PPP6R3: variants seen among roughly 807,000 people sequenced by gnomAD.
PPP6R3 encodes protein phosphatase 6 regulatory subunit 3.
In PPP6R3, 38 loss-of-function variants were observed where a neutral mutation model predicts 110.7. The observed-to-expected ratio is 0.34, with a 90% confidence interval of 0.26 to 0.45. The LOEUF (loss-of-function observed/expected upper bound fraction) is 0.45. PPP6R3 is among the 20% of genes least tolerant of loss of function. The pLI is 1.00. For missense variants in PPP6R3, 870 were observed against 1,062.4 expected (o/e 0.82, Z 2.52); for synonymous variants, 369 against 373.5 (o/e 0.99, Z 0.14).
chr11:68,509,885 G>A (rs969710669), intron 1 of PPP6R3, among the ~76,000 whole-genome samples: 1 of 151,220 alleles, frequency 6.6e-6, no homozygotes, highest in Non-Finnish European at 1.5e-5. Context: ...GAGTAGCTGG[G>A]ATTACAGGTG....
At chr11:68,572,495 G>C (rs2099511337) in intron 12 of PPP6R3, among the ~76,000 whole-genome samples, 1 of 152,086 alleles carries the variant, frequency 6.6e-6, no homozygotes, top group South Asian at 2.1e-4. Flanking sequence ...GTTGCCTGTA[G>C]GTAACACCTG....
chr11:68,591,514 T>C, intron 17 of PPP6R3, 62 bp from the exon 18 acceptor site: 1 of 1,462,366 alleles, frequency 6.8e-7, no homozygotes, highest in Admixed American at 2.3e-5. Flanking sequence ...TGGTAATGCT[T>C]AAGAGAAGAT....
intron 15 of PPP6R3, 67 bp from the exon 16 acceptor site, chr11:68,587,859 AT>A (rs778620123): frequency 5.4e-6 from 7 of 1,304,694 alleles, no homozygotes; most frequent in South Asian, 1.2e-5. Context: ...TGGAACACAA[AT>A]GGGCAAATAG....
chr11:68,554,423 G>T (rs2099391894), intron 7 of PPP6R3, among the ~76,000 whole-genome samples, 166 bp downstream of exon 7: 1 of 152,150 alleles, frequency 6.6e-6, no homozygotes, highest in Non-Finnish European at 1.5e-5. Flanking sequence ...CTCAGTAGAA[G>T]TTTGGCAGGG....
chr11:68,536,531 G>T (rs959839250), intron 2 of PPP6R3, among the ~76,000 whole-genome samples: 2 of 152,122 alleles, frequency 1.3e-5, no homozygotes, highest in African/African-American at 4.8e-5. Context: ...CTGCCAAAGT[G>T]CCAGGATTAC....
chr11:68,575,180 A>G (rs1304782489), intron 13 of PPP6R3, among the ~76,000 whole-genome samples: 3 of 152,242 alleles, frequency 2.0e-5, no homozygotes, highest in Non-Finnish European at 4.4e-5. Flanking sequence ...TTTTTAGATC[A>G]GACTTTCCTT....
At chr11:68,483,818 T>C (rs2098930226) in intron 1 of PPP6R3, among the ~76,000 whole-genome samples, 1 of 152,212 alleles carries the variant, frequency 6.6e-6, no homozygotes, top group Non-Finnish European at 1.5e-5. Context: ...TAAGGACATG[T>C]AGCCACCATT....
At chr11:68,473,264 A>G (rs926149137) in intron 1 of PPP6R3, among the ~76,000 whole-genome samples, 3 of 152,168 alleles carry the variant, frequency 2.0e-5, no homozygotes, top group Non-Finnish European at 4.4e-5. Context: ...TCAACTGCCA[A>G]TGATATAATC....
intron 22 of PPP6R3, among the ~76,000 whole-genome samples, chr11:68,605,565 C>G (rs1298034242): frequency 6.6e-6 from 1 of 152,128 alleles, no homozygotes; most frequent in Non-Finnish European, 1.5e-5. Context: ...AAGAGAGTAT[C>G]TTTACAGTTT....
At chr11:68,499,937 A>C (rs770626752) in intron 1 of PPP6R3, among the ~76,000 whole-genome samples, 1 of 152,150 alleles carries the variant, frequency 6.6e-6, no homozygotes, top group South Asian at 2.1e-4. Context: ...CTCTTGTCAG[A>C]TGTATATATC....
At chr11:68,594,316 GAGAAAA>G (rs2099605633) in intron 18 of PPP6R3, among the ~76,000 whole-genome samples, 1 of 147,544 alleles carries the variant, frequency 6.8e-6, no homozygotes, top group Non-Finnish European at 1.5e-5. Flanking sequence ...GAGAGAGAGA[GAGAAAA>G]AGAGAGAGAG....
intron 19 of PPP6R3, among the ~76,000 whole-genome samples, chr11:68,599,998 A>T (rs1433990756): frequency 3.9e-5 from 6 of 152,292 alleles, no homozygotes; most frequent in South Asian, 2.1e-4. Context: ...GGCGGGTGCC[A>T]GTAATCCCAG....
intron 9 of PPP6R3, among the ~76,000 whole-genome samples, chr11:68,566,235 ACGG>A (rs1249834033): frequency 8.1e-6 from 1 of 123,090 alleles, no homozygotes; most frequent in Non-Finnish European, 1.8e-5. Flanking sequence ...CACCACCACC[ACGG>A]CTGCTGCTGC....
At chr11:68,501,582 C>A (rs954877890) in intron 1 of PPP6R3, among the ~76,000 whole-genome samples, 50 of 152,186 alleles carry the variant, frequency 3.3e-4, no homozygotes, top group Non-Finnish European at 1.0e-4. Context: ...CCGCCTTGGC[C>A]TCACAAAGTG....
At chr11:68,474,910 T>A (rs117385048) in intron 1 of PPP6R3, among the ~76,000 whole-genome samples, 2,272 of 152,194 alleles carry the variant, frequency 0.015, 35 homozygotes, top group Non-Finnish European at 0.023. Flanking sequence ...TCCTTTTTTT[T>A]ATTTTTTTTA....
intron 20 of PPP6R3, 144 bp downstream of exon 20, chr11:68,600,638 A>T: frequency 3.4e-6 from 3 of 894,308 alleles, no homozygotes; most frequent in Non-Finnish European, 4.9e-6. Context: ...CAGCATACTA[A>T]CACAGCTCTG....
At chr11:68,463,149 G>A (rs2098720275) in intron 1 of PPP6R3, among the ~76,000 whole-genome samples, 2 of 151,906 alleles carry the variant, frequency 1.3e-5, no homozygotes, top group South Asian at 2.1e-4. Flanking sequence ...CGAGGCTGGC[G>A]GATCACTTAA....
chr11:68,603,346 A>T lies in PPP6R3; in HGVS notation c.2304A>T (p.Ala768=). 5.6e-6 allele frequency: 9 copies of T among 1,613,808 alleles called. No individual in the cohort carries two copies. In the South Asian group the frequency reaches 8.8e-5, roughly 16 times the overall value. ...AAALAVQPEA[A]GSVAMEASSD... is the part of the protein sequence containing the mutation. ...CATCAGCTGTGTTCTTTTCAGCGGCAGGCAGTGTGGCCATGGAAGCCAGCT... is the reference window on the plus strand; with the variant it reads ...CATCAGCTGTGTTCTTTTCAGCGGCTGGCAGTGTGGCCATGGAAGCCAGCT... The change falls in exon 22 of 24, where the codon GCA becomes GCT. Residue 768 remains alanine (A), a synonymous_variant. Coordinates refer to ENST00000393800, the MANE Select transcript of PPP6R3 (RefSeq NM_001164161.2).
intron 12 of PPP6R3, 117 bp from the exon 13 acceptor site, chr11:68,573,992 T>G: frequency 1.5e-6 from 1 of 686,508 alleles, no homozygotes; most frequent in Non-Finnish European, 2.5e-6. Context: ...TCCATCGTCA[T>G]TTTCTTCAGT....
Sources: gnomAD v4.1 joint callset for allele counts (sites outside exome capture counted in the v4.1 genomes callset) on GRCh38, gnomAD v4.1.1 for gene constraint, MANE v1.5 for transcripts, NCBI Gene and HGNC (gene_info 2026-07-23, HGNC 2026-07-21) for gene names.